Variants in HOOK3 observed in about 807,000 individuals in gnomAD.
HOOK3 encodes the protein protein Hook homolog 3.
In HOOK3, 24 loss-of-function variants were observed where a neutral mutation model predicts 116.3. That is an observed-to-expected ratio of 0.21 (90% CI 0.15 to 0.29). The LOEUF (loss-of-function observed/expected upper bound fraction) is 0.29, where lower values mean the gene tolerates loss of function less well. Among genes scored for constraint, HOOK3 ranks in the 10% least tolerant of loss-of-function variants. HOOK3 has a pLI of 1.00. For missense variants in HOOK3, 632 were observed against 830.2 expected, an observed-to-expected ratio of 0.76 and a Z score of 2.93; for synonymous variants, 275 against 283.0, an observed-to-expected ratio of 0.97 and a Z score of 0.28.
chr8:42,958,608 T>G (rs968491441), intron 7 of HOOK3, among the ~76,000 whole-genome samples: 2 of 150,160 alleles, frequency 1.3e-5, no homozygotes, highest in Non-Finnish European at 3.0e-5. Flanking sequence ...TTTTTTTTTT[T>G]TTTTTTTTTT....
chr8:42,899,553 G>A (rs1807140520), intron 1 of HOOK3, among the ~76,000 whole-genome samples: 1 of 152,210 alleles, frequency 6.6e-6, no homozygotes, highest in Non-Finnish European at 1.5e-5. Flanking sequence ...ACATTTAAAT[G>A]TATAATATCA....
chr8:43,013,184 A>G, intron 20 of HOOK3, 29 bp downstream of exon 20: 1 of 1,511,378 alleles, frequency 6.6e-7, no homozygotes, highest in Non-Finnish European at 9.0e-7. Context: ...CAATAAAATA[A>G]TTGTGTTTTG....
intron 13 of HOOK3, among the ~76,000 whole-genome samples, chr8:42,978,568 A>C (rs1167537679): frequency 6.6e-6 from 1 of 151,020 alleles, no homozygotes; most frequent in African/African-American, 2.4e-5. Context: ...CTGCCACCAC[A>C]CCCGGCTAGT....
intron 18 of HOOK3, among the ~76,000 whole-genome samples, chr8:43,009,320 C>T (rs552281307): frequency 2.5e-4 from 38 of 150,670 alleles, no homozygotes; most frequent in African/African-American, 6.6e-4. Flanking sequence ...GCAGGAGAAT[C>T]GCTTGAGCCC....
In HOOK3 at chr8:42,964,354, A is replaced by G; in HGVS notation, c.659A>G (p.Asn220Ser). 8 of 1,614,202 alleles carry G rather than the reference A, an allele frequency of 5.0e-6. No individual in the cohort carries two copies. Among genetic ancestry groups the G allele is most frequent in the African/African-American group, 1.3e-5 (1 of 75,050 alleles). The change falls in exon 9 of 22, where the codon AAT becomes AGT. Residue 220 changes from asparagine (N) to serine (S), a missense_variant. Around this residue, in one of 3 missense-constraint regions of HOOK3, gnomAD observed 483 missense variants for 648.1 expected, o/e 0.75. Coordinates refer to ENST00000307602, the MANE Select transcript of HOOK3 (RefSeq NM_032410.4). ...QEEKSSLLAE[N>S]QVLMERLNQS... ...GAGAAAAGTAGTTTGTTGGCAGAGAATCAGGTATTAATGGAAAGACTCAAT... is the reference window on the plus strand; with the variant it reads ...GAGAAAAGTAGTTTGTTGGCAGAGAGTCAGGTATTAATGGAAAGACTCAAT...
At chr8:42,989,870 A>G (rs1439134160) in intron 15 of HOOK3, among the ~76,000 whole-genome samples, 1 of 152,208 alleles carries the variant, frequency 6.6e-6, no homozygotes, top group Non-Finnish European at 1.5e-5. Context: ...TATTTCACTT[A>G]ACATAATGAC....
rs1208444711 is a variant in HOOK3 at position 42,968,102 on chromosome 8, T to G, written c.1010T>G (p.Val337Gly). The G allele has an allele frequency of 6.2e-7, 1 of 1,612,396 alleles. No homozygotes were observed. The highest frequency in any genetic ancestry group is 2.2e-5 in the East Asian group (1 of 44,842). ...GACCTTGGTGATTTAAGGCGGCAGG[T>G]TAAACTCTTAGAAGAGAAGAATACC... ...LEDLGDLRRQ[V>G]KLLEEKNTMY... Residue 337 changes from valine to glycine, a missense_variant, in exon 11 of 22, where the codon GTT becomes GGT. Around this residue, in one of 3 missense-constraint regions of HOOK3, gnomAD observed 483 missense variants for 648.1 expected, o/e 0.75. Transcript: ENST00000307602.
chr8:42,929,915 G>A (rs1807842370), intron 3 of HOOK3, among the ~76,000 whole-genome samples: 1 of 152,014 alleles, frequency 6.6e-6, no homozygotes. Context: ...TACATAATTG[G>A]AGACATAATT....
chr8:42,906,155 C>CGGGGGG lies in HOOK3; in HGVS notation c.58-18_58-17insGGGGGG. ...TAACCACAGAATCTCTCCCCCCCCC[C>CGGGGGG]TCTTTTTTTCCCTTCAGATCCAGAC... On this transcript the variant is annotated splice_polypyrimidine_tract_variant and intron_variant, in intron 1 of 21. Transcript: ENST00000307602. 1 of 941,980 alleles carries CGGGGGG rather than the reference C, an allele frequency of 1.1e-6. No individual in the cohort carries two copies. Among genetic ancestry groups the CGGGGGG allele is most frequent in the Non-Finnish European group, 1.6e-6 (1 of 620,100 alleles). The allele number at this position is 941,980 out of a possible 1,614,324, so 58.4% of individuals were successfully genotyped here.
chr8:42,958,640 A>G (rs1299409275), intron 7 of HOOK3, among the ~76,000 whole-genome samples: 1 of 142,116 alleles, frequency 7.0e-6, no homozygotes, highest in Non-Finnish European at 1.5e-5. Context: ...ATACCTGTGC[A>G]GAATGTGCAG....
At chr8:42,991,336 G>A (rs551552634) in intron 15 of HOOK3, among the ~76,000 whole-genome samples, 8 of 146,656 alleles carry the variant, frequency 5.5e-5, no homozygotes, top group African/African-American at 2.0e-4. Context: ...GAATATCATT[G>A]TTATTTTGAT....
rs1806999163 is a variant in HOOK3, at chr8:42,897,097, C to T, written c.-35C>T. Reference sequence around the variant, plus strand: ...CGACAGAGCGGCGGCGGTGTCTGGCCAGGCGGTAGGCGCTGCCTGGCCGCG... The same window carrying T: ...CGACAGAGCGGCGGCGGTGTCTGGCTAGGCGGTAGGCGCTGCCTGGCCGCG... On this transcript the variant is annotated 5_prime_UTR_variant, in exon 1 of 22. Transcript: ENST00000307602. The T allele has an allele frequency of 4.0e-6, 5 of 1,239,448 alleles. No individual in the cohort carries two copies. Among genetic ancestry groups the T allele is most frequent in the Non-Finnish European group, 5.1e-6 (5 of 987,342 alleles). The allele number at this position is 1,239,448 out of a possible 1,614,324, so 76.8% of individuals were successfully genotyped here.
chr8:42,938,192 T>C (rs2130375752), intron 4 of HOOK3, among the ~76,000 whole-genome samples: 1 of 151,630 alleles, frequency 6.6e-6, no homozygotes, highest in Admixed American at 6.6e-5. Flanking sequence ...GTCTGTTTTA[T>C]CAGAGACTAG....
intron 1 of HOOK3, among the ~76,000 whole-genome samples, chr8:42,899,414 T>C (rs565065465): frequency 6.6e-6 from 1 of 152,320 alleles, no homozygotes; most frequent in East Asian, 1.9e-4. Flanking sequence ...TTCATGAAGA[T>C]GTACAGTTCT....
At chr8:42,978,554 G>C (rs1457836825) in intron 13 of HOOK3, among the ~76,000 whole-genome samples, 1 of 152,044 alleles carries the variant, frequency 6.6e-6, no homozygotes, top group Non-Finnish European at 1.5e-5. Context: ...GGGATTACAG[G>C]CACCTGCCAC....
intron 8 of HOOK3, among the ~76,000 whole-genome samples, chr8:42,960,644 G>A (rs567043677): frequency 6.6e-6 from 1 of 152,244 alleles, no homozygotes; most frequent in South Asian, 2.1e-4. Flanking sequence ...CACTTCTACA[G>A]GGAGACAATC....
At chr8:42,939,530 C>T (rs1423973192) in intron 4 of HOOK3, among the ~76,000 whole-genome samples, 4 of 146,032 alleles carry the variant, frequency 2.7e-5, no homozygotes, top group Non-Finnish European at 6.1e-5. Flanking sequence ...GGGCTGATCC[C>T]CCCACCTCCC....
intron 13 of HOOK3, among the ~76,000 whole-genome samples, chr8:42,981,883 C>CAAAA (rs11348838): frequency 4.6e-5 from 5 of 108,128 alleles, no homozygotes; most frequent in African/African-American, 1.8e-4. Context: ...GACTCTGTCT[C>CAAAA]AAAAAAAAAA....
intron 2 of HOOK3, among the ~76,000 whole-genome samples, chr8:42,910,689 A>C (rs1807408910): frequency 6.6e-6 from 1 of 152,118 alleles, no homozygotes; most frequent in Non-Finnish European, 1.5e-5. Context: ...GATGTATACA[A>C]CCTCACCAAC....
Sources: gnomAD v4.1 joint callset for allele counts (sites outside exome capture counted in the v4.1 genomes callset) on GRCh38, gnomAD v4.1.1 for gene constraint, gnomAD v4.1.1 regional missense constraint, MANE v1.5 for transcripts, NCBI Gene and HGNC (gene_info 2026-07-23, HGNC 2026-07-21) for gene names.